The following PDE1C variants were observed in gnomAD, a reference collection of about 807,000 sequenced individuals.
PDE1C encodes the protein phosphodiesterase 1C, also known as dual specificity calcium/calmodulin-dependent 3',5'-cyclic nucleotide phosphodiesterase 1C.
PDE1C carries 62 observed loss-of-function variants against 93.1 expected under a neutral mutation model. That is an observed-to-expected ratio of 0.67 (90% CI 0.54 to 0.82). The LOEUF (loss-of-function observed/expected upper bound fraction) is 0.82, where lower values mean the gene tolerates loss of function less well. Ranked by LOEUF, PDE1C falls within the 40% of genes least tolerant of loss-of-function variation. The probability of loss-of-function intolerance (pLI) is 0.00; values close to 1 mark genes in which losing one functional copy is unlikely to be tolerated. For missense variants in PDE1C, 742 were observed against 884.6 expected, an observed-to-expected ratio of 0.84 and a Z score of 2.04; for synonymous variants, 325 against 310.1, an observed-to-expected ratio of 1.05 and a Z score of -0.50.
At chr7:32,116,256 C>T (rs1056694998) in intron 3 of PDE1C, among the ~76,000 whole-genome samples, 10 of 152,156 alleles carry the variant, frequency 6.6e-5, no homozygotes, top group Admixed American at 6.6e-4. Context: ...TAATGTCATG[C>T]TTATATGCTA....
intron 17 of PDE1C, among the ~76,000 whole-genome samples, chr7:31,771,802 G>A (rs1157194855): frequency 6.6e-6 from 1 of 152,036 alleles, no homozygotes; most frequent in East Asian, 1.9e-4. Context: ...TCAAGTAGAA[G>A]ATACTTGGTT....
chr7:31,743,746 G>T, the PDE1C span, among the ~76,000 whole-genome samples: 50 of 152,268 alleles, frequency 3.3e-4, no homozygotes, highest in Non-Finnish European at 1.0e-4. Flanking sequence ...AATAATAGGG[G>T]TTTATTTTTC....
At chr7:31,836,852 C>A (rs1438682155) in intron 11 of PDE1C, among the ~76,000 whole-genome samples, 1 of 151,880 alleles carries the variant, frequency 6.6e-6, no homozygotes, top group Admixed American at 6.6e-5. Flanking sequence ...TAGGGTGATG[C>A]CAAAGTAACT....
In PDE1C at chr7:31,926,136, T is replaced by TAC. The variant is rs58101155; in HGVS notation, c.129-45278_129-45277dup. Among the ~76,000 whole-genome samples the TAC allele has an allele frequency of 6.6e-3, 1,002 of 151,224 alleles. 6 individuals are homozygous for TAC. The highest frequency in any genetic ancestry group is 0.02 in the African/African-American group (835 of 41,264). ...TATTTACCCTACACACGTCTGTACATACACACACACACACACAATTATACA... is the reference window on the plus strand; with the variant it reads ...TATTTACCCTACACACGTCTGTACATACACACACACACACACACAATTATACA... On this transcript the variant is annotated intron_variant, in intron 2 of 17. Transcript: ENST00000396191.
chr7:31,825,663 A>G (rs1457026324), intron 12 of PDE1C, among the ~76,000 whole-genome samples: 5 of 152,156 alleles, frequency 3.3e-5, no homozygotes, highest in Non-Finnish European at 7.4e-5. Flanking sequence ...GGATGAGAAA[A>G]TCATTTAGAA....
intron 1 of PDE1C, among the ~76,000 whole-genome samples, chr7:32,366,810 G>A (rs551196204): frequency 2.0e-5 from 3 of 151,832 alleles, no homozygotes; most frequent in South Asian, 4.2e-4. Context: ...AGATCATGAG[G>A]TCAGGAGATC....
chr7:32,389,157 C>CGTGTGTGTGTGTGTGT (rs575896243), intron 1 of PDE1C, among the ~76,000 whole-genome samples: 2,489 of 135,492 alleles, frequency 0.018, 58 homozygotes, highest in African/African-American at 0.033. Flanking sequence ...TGATAGCTGA[C>CGTGTGTGTGTGTGTGT]GTGTGTGTGT....
chr7:31,823,331 G>A (rs1789233462), intron 13 of PDE1C, 83 bp from the exon 14 acceptor site: 1 of 1,082,756 alleles, frequency 9.2e-7, no homozygotes. Context: ...AGGAGGAATG[G>A]TTAGCACTCC....
At chr7:31,957,437 C>T (rs1808299221) in intron 2 of PDE1C, among the ~76,000 whole-genome samples, 1 of 152,082 alleles carries the variant, frequency 6.6e-6, no homozygotes, top group Admixed American at 6.6e-5. Flanking sequence ...TTATCTATCA[C>T]CTGTAGAGGA....
At chr7:31,831,257 T>C (rs1201635284) in intron 11 of PDE1C, among the ~76,000 whole-genome samples, 1 of 152,126 alleles carries the variant, frequency 6.6e-6, no homozygotes, top group Non-Finnish European at 1.5e-5. Context: ...TAGTAAAGTT[T>C]TAGCTCTTTC....
intron 1 of PDE1C, among the ~76,000 whole-genome samples, chr7:32,422,002 G>A (rs543410604): frequency 6.6e-6 from 1 of 152,138 alleles, no homozygotes; most frequent in Non-Finnish European, 1.5e-5. Flanking sequence ...AAGTGAGCCC[G>A]AGACTTTTCT....
intron 1 of PDE1C, among the ~76,000 whole-genome samples, chr7:32,245,492 C>T (rs1290944634): frequency 6.6e-6 from 1 of 152,210 alleles, no homozygotes; most frequent in Non-Finnish European, 1.5e-5. Flanking sequence ...AATCCTCGTT[C>T]TGCTTCCCCT....
At chr7:31,915,623 T>TAAACA (rs1461695604) in intron 2 of PDE1C, among the ~76,000 whole-genome samples, 1 of 152,216 alleles carries the variant, frequency 6.6e-6, no homozygotes, top group Non-Finnish European at 1.5e-5. Flanking sequence ...CTCTGTGTCT[T>TAAACA]GGTTTTCTAA....
intron 2 of PDE1C, among the ~76,000 whole-genome samples, chr7:31,930,432 C>A (rs1683959533): frequency 6.6e-6 from 1 of 152,136 alleles, no homozygotes; most frequent in Admixed American, 6.6e-5. Context: ...ATCCTGATAC[C>A]AAAACCTGGC....
At chr7:32,162,248 T>C (rs1801969708) in intron 3 of PDE1C, among the ~76,000 whole-genome samples, 1 of 152,130 alleles carries the variant, frequency 6.6e-6, no homozygotes, top group African/African-American at 2.4e-5. Context: ...CTAGAGCCCA[T>C]AGGGAAGATA....
At chr7:32,219,328 G>A (rs1385616603) in intron 1 of PDE1C, among the ~76,000 whole-genome samples, 1 of 152,154 alleles carries the variant, frequency 6.6e-6, no homozygotes, top group Non-Finnish European at 1.5e-5. Context: ...AGACTGAGAT[G>A]CATCAATTAT....
At chr7:31,977,251 C>T (rs1248362686) in intron 2 of PDE1C, among the ~76,000 whole-genome samples, 1 of 152,038 alleles carries the variant, frequency 6.6e-6, no homozygotes, top group Admixed American at 6.6e-5. Flanking sequence ...GGAAGAGAGA[C>T]CTGAGCTGAC....
intron 2 of PDE1C, among the ~76,000 whole-genome samples, chr7:31,894,988 G>A (rs2128907644): frequency 6.6e-6 from 1 of 152,286 alleles, no homozygotes; most frequent in Middle Eastern, 3.4e-3. Flanking sequence ...CTTAAACTCA[G>A]TAAAGAGATG....
intron 17 of PDE1C, among the ~76,000 whole-genome samples, chr7:31,761,003 G>C (rs1211933097): frequency 6.6e-6 from 1 of 152,152 alleles, no homozygotes; most frequent in African/African-American, 2.4e-5. Flanking sequence ...CCCCACTGAG[G>C]ATGGGACAAT....
Sources: allele counts gnomAD v4.1 joint callset (sites outside exome capture counted in the v4.1 genomes callset), GRCh38; gene constraint gnomAD v4.1.1; transcripts MANE v1.5; gene names NCBI Gene and HGNC (gene_info 2026-07-23, HGNC 2026-07-21).